ITGAV: variants seen among roughly 807,000 people sequenced by gnomAD.
The protein encoded by ITGAV is integrin subunit alpha V.
Under a neutral mutation model 143.8 loss-of-function variants are expected in ITGAV, and 76 were observed. The ratio of observed to expected loss-of-function variants is 0.53; its 90% CI spans 0.44 to 0.64. ITGAV has a LOEUF of 0.64. Ranked by LOEUF, ITGAV falls within the 30% of genes least tolerant of loss-of-function variation. ITGAV has a pLI of 0.00. For missense variants in ITGAV, 1,193 were observed against 1,274.7 expected (o/e 0.94, Z 0.98); for synonymous variants, 453 against 446.7 (o/e 1.01, Z -0.18).
At position 186,590,467 on chromosome 2, in the gene ITGAV, C is replaced by A. The variant is rs1387165630; in HGVS notation, c.129C>A (p.Gly43=). ...LDVDSPAEYS[G]PEGSYFGFAV... ...TGGACAGTCCTGCCGAGTACTCTGGCCCCGAGGGAAGTTACTTCGGCTTCG... is the reference window on the plus strand; with the variant it reads ...TGGACAGTCCTGCCGAGTACTCTGGACCCGAGGGAAGTTACTTCGGCTTCG... Residue 43 remains glycine (G), a synonymous_variant, in exon 1 of 30, where the codon GGC becomes GGA. Coordinates refer to ENST00000261023, the MANE Select transcript of ITGAV (RefSeq NM_002210.5). 2 of 1,612,012 alleles carry A rather than the reference C, an allele frequency of 1.2e-6. No individual in the cohort carries two copies. Among genetic ancestry groups the A allele is most frequent in the African/African-American group, 1.3e-5 (1 of 74,848 alleles).
chr2:186,636,597 T>C (rs969845877), intron 7 of ITGAV, among the ~76,000 whole-genome samples: 14 of 152,252 alleles, frequency 9.2e-5, no homozygotes, highest in Admixed American at 2.6e-4. Flanking sequence ...GTCACTCGCT[T>C]GTAACTTGCT....
chr2:186,652,102 G>T lies in ITGAV; in HGVS notation c.1505+13G>T, dbSNP rs756764592. 1 of 1,435,870 alleles carries T rather than the reference G, an allele frequency of 7.0e-7. No individual in the cohort carries two copies. 88.9% of individuals were successfully genotyped at this position (1,435,870 alleles called of 1,614,324 possible). ...TCAAAGTTTCCTGGTAAGGGTATTT[G>T]TTTAATAATAGTTATTATTGTGATT... On this transcript the variant is annotated intron_variant, in intron 15 of 29. Transcript: ENST00000261023.
intron 26 of ITGAV, among the ~76,000 whole-genome samples, chr2:186,670,748 G>A (rs1448034073): frequency 6.6e-6 from 1 of 152,160 alleles, no homozygotes; most frequent in African/African-American, 2.4e-5. Flanking sequence ...ATACCATGTG[G>A]TGTAGATGCT....
At chr2:186,621,270 A>G (rs370643709) in intron 2 of ITGAV, among the ~76,000 whole-genome samples, 2 of 152,310 alleles carry the variant, frequency 1.3e-5, no homozygotes, top group South Asian at 2.1e-4. Flanking sequence ...CGAACAACAC[A>G]CTTGTTCACC....
intron 2 of ITGAV, among the ~76,000 whole-genome samples, chr2:186,605,640 C>T (rs531880000): frequency 1.3e-5 from 2 of 151,730 alleles, no homozygotes; most frequent in East Asian, 1.9e-4. Flanking sequence ...GTCTGGTGCC[C>T]AGCACAAGTT....
chr2:186,638,276 G>C lies in ITGAV; in HGVS notation c.803-1G>C. 1 of 1,613,706 alleles carries C rather than the reference G, an allele frequency of 6.2e-7. No individual in the cohort carries two copies. The highest frequency in any genetic ancestry group is 8.5e-7 in the Non-Finnish European group (1 of 1,179,722). On this transcript the variant is annotated splice_acceptor_variant, in intron 8 of 29. Transcript: ENST00000261023. LOFTEE classifies it high-confidence loss of function. Reference sequence around the variant, plus strand: ...ATAATTTGTTTGTTTGTTTGTTTCAGACTTTGTTTCAGGAGTTCCAAGAGC... The same window carrying C: ...ATAATTTGTTTGTTTGTTTGTTTCACACTTTGTTTCAGGAGTTCCAAGAGC...
In ITGAV at chr2:186,637,104, T is replaced by C; in HGVS notation, c.797T>C (p.Ile266Thr). The C allele has an allele frequency of 2.5e-6, 4 of 1,611,512 alleles. No homozygotes were observed. The highest frequency in any genetic ancestry group is 3.4e-6 in the Non-Finnish European group (4 of 1,177,670). Residue 266 changes from isoleucine to threonine, a missense_variant, in exon 8 of 30, where the codon ATA becomes ACA. Coordinates refer to ENST00000261023, the MANE Select transcript of ITGAV (RefSeq NM_002210.5). ...VAVGDFNGDG[I>T]DDFVSGVPRA... ...GTCGGAGATTTCAATGGTGATGGCA[T>C]AGATGGTATGAAGTACTTGAACTAT...
At chr2:186,616,846 T>G (rs1197198784) in intron 2 of ITGAV, among the ~76,000 whole-genome samples, 1 of 152,140 alleles carries the variant, frequency 6.6e-6, no homozygotes, top group Non-Finnish European at 1.5e-5. Context: ...AGATATTTCT[T>G]CCACTAACCT....
intron 3 of ITGAV, among the ~76,000 whole-genome samples, chr2:186,624,070 T>C (rs908876792): frequency 1.3e-5 from 2 of 152,188 alleles, no homozygotes; most frequent in Admixed American, 1.3e-4. Flanking sequence ...TCACTGGCTA[T>C]GTCTTTGGCC....
chr2:186,652,931 ATTTTTTTTTTTTT>A (rs35139936), intron 15 of ITGAV, among the ~76,000 whole-genome samples: 1 of 82,424 alleles, frequency 1.2e-5, no homozygotes, highest in African/African-American at 4.9e-5. Flanking sequence ...TTCATTATAG[ATTTTTTTTTTTTT>A]TTTTTTTTTT....
At chr2:186,677,164 T>G in intron 29 of ITGAV, 33 bp from the exon 30 acceptor site, 1 of 1,568,462 alleles carries the variant, frequency 6.4e-7, no homozygotes, top group Non-Finnish European at 8.8e-7. Context: ...TACACTGATG[T>G]GACAGTAATA....
chr2:186,627,966 A>C lies in ITGAV; in HGVS notation c.523+2379A>C, dbSNP rs117034349. Among the ~76,000 whole-genome samples the C allele has an allele frequency of 1.7e-3, 253 of 152,290 alleles. 3 individuals carry two copies. The East Asian group carries it at 0.034, about 21-fold the overall frequency. ...TTTGAAATGTTAAGCCACCTATAAT[A>C]GGCCTAAATTGTGAGGGGCATCTTG... On this transcript the variant is annotated intron_variant, in intron 4 of 29. Transcript: ENST00000261023.
intron 24 of ITGAV, 54 bp from the exon 25 acceptor site, chr2:186,668,708 T>C (rs985803630): frequency 1.3e-6 from 2 of 1,524,610 alleles, no homozygotes; most frequent in African/African-American, 2.8e-5. Flanking sequence ...AGGGGAAGGA[T>C]TATGGAACAG....
chr2:186,633,460 T>C, intron 6 of ITGAV, 86 bp downstream of exon 6: 1 of 693,486 alleles, frequency 1.4e-6, no homozygotes, highest in East Asian at 2.7e-5. Flanking sequence ...ATTTTACAAA[T>C]TATTTTAAAG....
intron 8 of ITGAV, 53 bp from the exon 9 acceptor site, chr2:186,638,224 A>G (rs1688000556): frequency 1.3e-6 from 2 of 1,529,288 alleles, no homozygotes; most frequent in Non-Finnish European, 9.0e-7. Context: ...TCTGGTCTGC[A>G]ACTTCCAGTG....
At position 186,649,850 on chromosome 2, in the gene ITGAV, A is replaced by G; in HGVS notation, c.1362A>G (p.Val454=). The change falls in exon 14 of 30, where the codon GTA becomes GTG. Residue 454 remains valine, a synonymous_variant. Coordinates refer to ENST00000261023, the MANE Select transcript of ITGAV (RefSeq NM_002210.5). ...CCACTCTTTCTTAAGACTTAATTGT[A>G]GGAGCTTTTGGTGTAGATCGAGCTA... ...IDKNGYPDLI[V]GAFGVDRAIL... 2 of 1,593,882 alleles carry G rather than the reference A, an allele frequency of 1.3e-6. No individual in the cohort carries two copies.
intron 5 of ITGAV, 44 bp downstream of exon 5, chr2:186,630,902 T>C: frequency 9.7e-7 from 1 of 1,032,522 alleles, no homozygotes; most frequent in Non-Finnish European, 1.5e-6. Flanking sequence ...ATCTACCTTA[T>C]TGACTAGACT....
intron 14 of ITGAV, among the ~76,000 whole-genome samples, chr2:186,650,871 G>T (rs1688406645): frequency 6.6e-6 from 1 of 152,072 alleles, no homozygotes; most frequent in Non-Finnish European, 1.5e-5. Flanking sequence ...TTTAAATTAT[G>T]TTCAGAGGTA....
chr2:186,641,059 A>G (rs1688089602), intron 11 of ITGAV, 92 bp downstream of exon 11: 3 of 973,310 alleles, frequency 3.1e-6, no homozygotes, highest in South Asian at 1.5e-5. Context: ...CTGTTTTTGT[A>G]TTCCTTTTCT....
Sources: gnomAD v4.1 joint callset for allele counts (sites outside exome capture counted in the v4.1 genomes callset) on GRCh38, gnomAD v4.1.1 for gene constraint, MANE v1.5 for transcripts, NCBI Gene and HGNC (gene_info 2026-07-23, HGNC 2026-07-21) for gene names.